KIF11: variants seen among roughly 807,000 people sequenced by gnomAD.
KIF11 encodes the protein kinesin family member 11.
KIF11 carries 9 observed loss-of-function variants against 121.0 expected under a neutral mutation model. The ratio of observed to expected loss-of-function variants is 0.07; its 90% confidence interval spans 0.04 to 0.13. KIF11 has a LOEUF of 0.13. Ranked by LOEUF, KIF11 falls within the 10% of genes least tolerant of loss-of-function variation. The probability of loss-of-function intolerance (pLI) is 1.00; values close to 1 mark genes in which losing one functional copy is unlikely to be tolerated. For synonymous variants in KIF11, 408 were observed against 421.0 expected, an observed-to-expected ratio of 0.97 and a Z score of 0.38; for missense variants, 846 against 1,217.5, an observed-to-expected ratio of 0.69 and a Z score of 4.54.
chr10:92,614,157 C>T (rs975475700), intron 8 of KIF11, among the ~76,000 whole-genome samples: 4 of 149,908 alleles, frequency 2.7e-5, no homozygotes, highest in East Asian at 2.0e-4. Flanking sequence ...AGTGCGATGA[C>T]GCGATCTCGG....
intron 12 of KIF11, among the ~76,000 whole-genome samples, chr10:92,631,228 A>C (rs1216899627): frequency 6.7e-6 from 1 of 149,850 alleles, no homozygotes; most frequent in Non-Finnish European, 1.5e-5. Context: ...CAGGAGGCAG[A>C]GGTTGCAGTG....
chr10:92,615,534 A>G (rs1460630645), intron 8 of KIF11, among the ~76,000 whole-genome samples: 1 of 152,170 alleles, frequency 6.6e-6, no homozygotes, highest in Non-Finnish European at 1.5e-5. Flanking sequence ...ATTCTAGTAT[A>G]TTTACAGAGT....
At chr10:92,612,945 G>A in intron 6 of KIF11, 95 bp from the exon 7 acceptor site, 1 of 676,922 alleles carries the variant, frequency 1.5e-6, no homozygotes. Flanking sequence ...CTCTACTCAT[G>A]TGGATTTAGA....
chr10:92,625,084 A>C (rs181544837), intron 10 of KIF11, among the ~76,000 whole-genome samples: 13 of 152,038 alleles, frequency 8.6e-5, no homozygotes, highest in Non-Finnish European at 1.8e-4. Context: ...TTCTGTTTTA[A>C]GTTCTTTGAG....
In KIF11 at chr10:92,606,254, T is replaced by C. The variant is rs762408459; in HGVS notation, c.78-11T>C. The C allele has an allele frequency of 1.9e-6, 3 of 1,576,196 alleles. No homozygotes were observed. The highest frequency in any genetic ancestry group is 2.6e-6 in the Non-Finnish European group (3 of 1,168,432). On this transcript the variant is annotated splice_polypyrimidine_tract_variant and intron_variant, in intron 1 of 21. Coordinates refer to ENST00000260731, the MANE Select transcript of KIF11 (RefSeq NM_004523.4). ...GAGCTCTTGAATGACTTTGTGTATT[T>C]CTTTTTATAGACCATTTAATTTGGC...
At chr10:92,637,032 C>CAAAAAAAAAAAAAAAAA (rs66987236) in intron 14 of KIF11, 152 bp from the exon 15 acceptor site, 1 of 346,760 alleles carries the variant, frequency 2.9e-6, no homozygotes, top group African/African-American at 3.3e-5. Flanking sequence ...GACTCCGTCT[C>CAAAAAAAAAAAAAAAAA]AAAAAAAAAA....
Position 92,611,928 on chromosome 10 carries a change from T to A in KIF11, c.699-1112T>A, listed in dbSNP as rs1243956386. On this transcript the variant is annotated intron_variant, in intron 6 of 21. Transcript: ENST00000260731. ...TAAAAAAGATACTTAATTTTTTTTTTAAGTAACATGAAAGTACAAAGAAGA... is the reference window on the plus strand; with the variant it reads ...TAAAAAAGATACTTAATTTTTTTTTAAAGTAACATGAAAGTACAAAGAAGA... Among the ~76,000 whole-genome samples, 3 of 152,194 alleles carry A rather than the reference T, an allele frequency of 2.0e-5. No homozygotes were observed. The South Asian group carries it at 6.2e-4, about 32-fold the overall frequency.
Position 92,632,674 on chromosome 10 carries a change from A to G in KIF11, c.1683A>G (p.Glu561=). The part of the protein sequence containing the change: ...DGSSKQKAML[E]VHKTLFGNLL... ...GCTCAAAGCAAAAGGCCATGCTAGA[A>G]GTACATAAGACCTTATTTGGTAAGT... The change falls in exon 13 of 22, where the codon GAA becomes GAG. Residue 561 remains glutamate (E), a synonymous_variant. Transcript: ENST00000260731. 1 of 1,607,814 alleles carries G rather than the reference A, an allele frequency of 6.2e-7. No individual in the cohort carries two copies. The highest frequency in any genetic ancestry group is 8.5e-7 in the Non-Finnish European group (1 of 1,176,138).
intron 1 of KIF11, among the ~76,000 whole-genome samples, chr10:92,599,999 A>ATTATTATTAT (rs1417673044): frequency 8.2e-6 from 1 of 121,674 alleles, no homozygotes; most frequent in East Asian, 2.4e-4. Flanking sequence ...TATTATTATT[A>ATTATTATTAT]TTATTTATTT....
chr10:92,620,225 C>T (rs1176732693), intron 9 of KIF11, among the ~76,000 whole-genome samples: 3 of 151,930 alleles, frequency 2.0e-5, no homozygotes, highest in African/African-American at 4.8e-5. Context: ...GGACTACAGG[C>T]GCCTGTCACC....
intron 17 of KIF11, among the ~76,000 whole-genome samples, chr10:92,642,510 G>A (rs1352289134): frequency 6.6e-6 from 1 of 152,194 alleles, no homozygotes; most frequent in Non-Finnish European, 1.5e-5. Context: ...GCCTTACTGA[G>A]TTTCTGCCTA....
chr10:92,639,930 T>C, intron 17 of KIF11, 30 bp downstream of exon 17: 1 of 1,154,300 alleles, frequency 8.7e-7, no homozygotes, highest in Non-Finnish European at 1.3e-6. Flanking sequence ...TCTTAAACTT[T>C]TCTGTAAGTC....
At chr10:92,625,820 A>T (rs1844670303) in intron 10 of KIF11, among the ~76,000 whole-genome samples, 1 of 152,186 alleles carries the variant, frequency 6.6e-6, no homozygotes, top group Admixed American at 6.5e-5. Flanking sequence ...ATGCAATTCC[A>T]TTCACAATAG....
chr10:92,637,241 G>A lies in KIF11; in HGVS notation c.1933G>A (p.Val645Met), dbSNP rs1333960181. Residue 645 changes from valine (V) to methionine (M), a missense_variant, in exon 15 of 22, where the codon GTG (valine) becomes ATG (methionine). Val to Met is a conservative substitution (Grantham distance 21). Around this residue, in one of 5 missense-constraint regions of KIF11, gnomAD observed 492 missense variants for 603.4 expected, o/e 0.82. Coordinates refer to ENST00000260731, the MANE Select transcript of KIF11 (RefSeq NM_004523.4). Reference sequence around the variant, plus strand: ...GGAAATGATTTTATCCCCAACTGTGGTGTCTATACTGAAAATCAATAGTCA... The same window carrying A: ...GGAAATGATTTTATCCCCAACTGTGATGTCTATACTGAAAATCAATAGTCA... ...SLEMILSPTVVSILKINSQLK... is the reference protein window; with the variant it reads ...SLEMILSPTVMSILKINSQLK... 3 of 1,586,502 alleles carry A rather than the reference G, an allele frequency of 1.9e-6. No individual in the cohort carries two copies. The highest frequency in any genetic ancestry group is 4.0e-5 in the Admixed American group (2 of 49,422).
intron 12 of KIF11, among the ~76,000 whole-genome samples, chr10:92,631,354 ATTT>A (rs1247892671): frequency 1.5e-5 from 2 of 131,952 alleles, no homozygotes; most frequent in Non-Finnish European, 3.1e-5. Context: ...AAAGTATTTA[ATTT>A]TTTTTTTTTT....
Position 92,639,892 on chromosome 10 carries a change from T to C in KIF11, c.2259T>C (p.Asn753=), listed in dbSNP as rs2135920454. The change falls in exon 17 of 22, where the codon AAT becomes AAC. Residue 753 remains asparagine, a synonymous_variant. Transcript: ENST00000260731. Reference sequence around the variant, plus strand: ...AACCACTTAGTAGTGTCCAGGAAAATATACAGCAGTAAGCTATTTTTAAAT... The same window carrying C: ...AACCACTTAGTAGTGTCCAGGAAAACATACAGCAGTAAGCTATTTTTAAAT... The part of the protein sequence containing the change: ...IQKPLSSVQE[N]IQQKSKDIVN... 4 of 1,525,458 alleles carry C rather than the reference T, an allele frequency of 2.6e-6. No individual in the cohort carries two copies. The highest frequency in any genetic ancestry group is 3.6e-6 in the Non-Finnish European group (4 of 1,106,416). The allele number at this position is 1,525,458 out of a possible 1,614,324, so 94.5% of individuals were successfully genotyped here.
intron 1 of KIF11, among the ~76,000 whole-genome samples, chr10:92,601,107 C>T (rs1436715386): frequency 2.6e-5 from 4 of 152,186 alleles, no homozygotes; most frequent in Non-Finnish European, 5.9e-5. Flanking sequence ...ATCCATCCGC[C>T]TTGGCCTCCC....
At chr10:92,631,900 C>T (rs1844743005) in intron 12 of KIF11, among the ~76,000 whole-genome samples, 1 of 151,636 alleles carries the variant, frequency 6.6e-6, no homozygotes, top group South Asian at 2.1e-4. Context: ...GTCTCAAACT[C>T]CTGACCTCAG....
intron 17 of KIF11, among the ~76,000 whole-genome samples, chr10:92,640,103 T>G (rs1300862154): frequency 6.6e-6 from 1 of 152,204 alleles, no homozygotes; most frequent in East Asian, 1.9e-4. Context: ...TTTAAGACAT[T>G]GAAAAACCTG....
Sources: allele counts gnomAD v4.1 joint callset (sites outside exome capture counted in the v4.1 genomes callset), GRCh38; gene constraint gnomAD v4.1.1; regional missense constraint gnomAD v4.1.1; transcripts MANE v1.5; gene names NCBI Gene and HGNC (gene_info 2026-07-23, HGNC 2026-07-21).